ZNF493: variants seen among roughly 807,000 people sequenced by gnomAD.
The protein encoded by ZNF493 is zinc finger protein 493.
A neutral mutation model predicts 12.2 loss-of-function variants in ZNF493; 11 were observed. That is an observed-to-expected ratio of 0.90 (90% CI 0.57 to 1.50). The LOEUF is 1.50. Among genes scored for constraint, ZNF493 ranks in the 40% most tolerant of loss-of-function variants. ZNF493 has a pLI of 0.00. For missense variants in ZNF493, 950 were observed against 906.6 expected (o/e 1.05, Z -0.61); for synonymous variants, 286 against 302.6 (o/e 0.95, Z 0.57).
chr19:21,417,392 C>T (rs1357384553), intron 3 of ZNF493, among the ~76,000 whole-genome samples: 1 of 152,134 alleles, frequency 6.6e-6, no homozygotes, highest in Non-Finnish European at 1.5e-5. Context: ...TGGATATAAT[C>T]AACTAAATGT....
At chr19:21,414,291 C>T (rs546587263) in intron 3 of ZNF493, 12 of 152,366 alleles carry the variant, frequency 7.9e-5, no homozygotes, top group African/African-American at 2.4e-4. Flanking sequence ...AGGATTAACC[C>T]CTCCTGTAAA....
At chr19:21,405,351 A>T in intron 2 of ZNF493, 96 bp downstream of exon 2, 1 of 1,530,478 alleles carries the variant, frequency 6.5e-7, no homozygotes, top group East Asian at 2.3e-5. Flanking sequence ...GCTTTGCATA[A>T]GTGAGTTTCT....
intron 3 of ZNF493, among the ~76,000 whole-genome samples, chr19:21,422,053 C>T (rs995106117): frequency 6.6e-6 from 1 of 152,100 alleles, no homozygotes; most frequent in East Asian, 1.9e-4. Context: ...ACCATTTTGG[C>T]CAGCATAGTC....
chr19:21,408,881 C>CA, intron 3 of ZNF493: 1 of 595,176 alleles, frequency 1.7e-6, no homozygotes, highest in Non-Finnish European at 2.1e-6. Context: ...TTCTTTCTTT[C>CA]TTTTTTTTTT....
At chr19:21,407,157 C>T (rs1387579549) in intron 3 of ZNF493, among the ~76,000 whole-genome samples, 5 of 152,052 alleles carry the variant, frequency 3.3e-5, no homozygotes, top group South Asian at 2.1e-4. Flanking sequence ...AGACTAGTCT[C>T]GCCATTATGG....
chr19:21,414,152 T>G (rs2030411675), intron 3 of ZNF493: 1 of 152,206 alleles, frequency 6.6e-6, no homozygotes, highest in Admixed American at 6.5e-5. Context: ...CAGAAGACTC[T>G]CCTGATTGGC....
intron 1 of ZNF493, among the ~76,000 whole-genome samples, chr19:21,402,455 T>C (rs1036445157): frequency 2.0e-5 from 3 of 152,188 alleles, no homozygotes; most frequent in African/African-American, 4.8e-5. Context: ...GGTAGACATA[T>C]TAATAGAATG....
intron 3 of ZNF493, among the ~76,000 whole-genome samples, chr19:21,421,319 G>A (rs535939511): frequency 6.6e-6 from 1 of 151,814 alleles, no homozygotes; most frequent in Non-Finnish European, 1.5e-5. Flanking sequence ...CACTCATTGA[G>A]TGTTACTGAA....
At chr19:21,415,245 C>T (rs2030452151) in intron 3 of ZNF493, among the ~76,000 whole-genome samples, 1 of 152,160 alleles carries the variant, frequency 6.6e-6, no homozygotes, top group African/African-American at 2.4e-5. Context: ...TATGGACTTG[C>T]TTCTCAATTA....
In ZNF493 at chr19:21,405,175, A is replaced by T. The variant is rs1352303761; in HGVS notation, c.77A>T (p.Glu26Val). The T allele has an allele frequency of 6.2e-7, 1 of 1,613,882 alleles. No individual in the cohort carries two copies. Among genetic ancestry groups the T allele is most frequent in the Non-Finnish European group, 8.5e-7 (1 of 1,180,010 alleles). ...RDVAIEFSLE[E>V]WQCLDTAQQD... ...GTGGCCATAGAATTCTCTCTGGAGG[A>T]GTGGCAATGCCTGGACACTGCTCAG... The change falls in exon 2 of 4, where the codon GAG (glutamate) becomes GTG (valine). Residue 26 changes from glutamate (E) to valine (V), a missense_variant. Glu to Val is a moderately radical substitution (Grantham distance 121). Transcript: ENST00000392288.
chr19:21,413,509 G>A, intron 3 of ZNF493: 1 of 403,406 alleles, frequency 2.5e-6, no homozygotes, highest in Non-Finnish European at 4.4e-6. Context: ...CTGTCCCAAG[G>A]TGGGTGGCTG....
At position 21,425,170 on chromosome 19, in the gene ZNF493, T is replaced by C; in HGVS notation, c.*186T>C. ...CTTACTAAATATAAGATAATTCATA[T>C]TGGAGAGAAATTCTACAGATGTGAA... is the stretch of plus-strand genomic sequence containing the variant. On this transcript the variant is annotated 3_prime_UTR_variant, in exon 4 of 4. Transcript: ENST00000392288. 2.7e-6 allele frequency: 2 copies of C among 735,530 alleles called. No homozygotes were observed. The highest frequency in any genetic ancestry group is 2.5e-5 in the Admixed American group (1 of 39,654). 45.6% of individuals were successfully genotyped at this position (735,530 alleles called of 1,614,324 possible).
intron 1 of ZNF493, among the ~76,000 whole-genome samples, chr19:21,404,750 C>T (rs2968046): frequency 0.96 from 145,505 of 152,304 alleles, 69,773 homozygotes; most frequent in Middle Eastern, 1. Context: ...CTCCAGTTTA[C>T]TGTTCACATT....
intron 1 of ZNF493, among the ~76,000 whole-genome samples, chr19:21,401,747 C>A (rs2029953232): frequency 6.6e-6 from 1 of 151,010 alleles, no homozygotes; most frequent in African/African-American, 2.4e-5. Context: ...GCTTCAGCCA[C>A]CTGAGTAGCT....
At position 21,424,867 on chromosome 19, in the gene ZNF493, T is replaced by C; in HGVS notation, c.2208T>C (p.Thr736=). The change falls in exon 4 of 4, where the codon ACT becomes ACC. Residue 736 remains threonine (T), a synonymous_variant. Transcript: ENST00000392288. ...TTATTAAACATAAGCTAATTCATAC[T>C]GGAGACAAACCCTACAAATGTGAAG... ...SNLIKHKLIH[T]GDKPYKCEAC... is the part of the protein sequence containing the mutation. 1 of 1,613,572 alleles carries C rather than the reference T, an allele frequency of 6.2e-7. No homozygotes were observed. The highest frequency in any genetic ancestry group is 2.2e-5 in the East Asian group (1 of 44,852).
intron 3 of ZNF493, among the ~76,000 whole-genome samples, chr19:21,416,617 C>G (rs1038375234): frequency 6.6e-6 from 1 of 152,134 alleles, no homozygotes; most frequent in Non-Finnish European, 1.5e-5. Flanking sequence ...ACAGGTAGGA[C>G]GTTTACTAGT....
intron 3 of ZNF493, among the ~76,000 whole-genome samples, chr19:21,418,827 T>C (rs2030570032): frequency 6.6e-6 from 1 of 152,148 alleles, no homozygotes; most frequent in African/African-American, 2.4e-5. Flanking sequence ...TTTTTTGTGG[T>C]TTAAGAATGC....
At chr19:21,418,838 C>G (rs1162750130) in intron 3 of ZNF493, among the ~76,000 whole-genome samples, 1 of 152,124 alleles carries the variant, frequency 6.6e-6, no homozygotes, top group Non-Finnish European at 1.5e-5. Flanking sequence ...TTAAGAATGC[C>G]TTTATGCAGT....
At chr19:21,420,429 T>C (rs2030621728) in intron 3 of ZNF493, among the ~76,000 whole-genome samples, 1 of 150,972 alleles carries the variant, frequency 6.6e-6, no homozygotes, top group Admixed American at 6.6e-5. Flanking sequence ...GATTATATGT[T>C]GTTTTGTTGA....
Sources: allele counts gnomAD v4.1 joint callset (sites outside exome capture counted in the v4.1 genomes callset), GRCh38; gene constraint gnomAD v4.1.1; transcripts MANE v1.5; gene names NCBI Gene and HGNC (gene_info 2026-07-23, HGNC 2026-07-21).